The following PCDH15 variants were observed in gnomAD, a reference collection of about 807,000 sequenced individuals.
PCDH15 encodes protocadherin related 15, also known as protocadherin-15.
PCDH15 carries 129 observed loss-of-function variants against 178.5 expected under a neutral mutation model. That is an observed-to-expected ratio of 0.72 (90% CI 0.63 to 0.84). The LOEUF is 0.84. Among genes scored for constraint, PCDH15 ranks in the 40% least tolerant of loss-of-function variants. The probability of loss-of-function intolerance (pLI) is 0.00; values close to 1 mark genes in which losing one functional copy is unlikely to be tolerated. For synonymous variants in PCDH15, 800 were observed against 732.0 expected, an observed-to-expected ratio of 1.09 and a Z score of -1.50; for missense variants, 2,230 against 2,099.9, an observed-to-expected ratio of 1.06 and a Z score of -1.21.
intron 1 of PCDH15, among the ~76,000 whole-genome samples, chr10:55,215,062 G>A (rs1386493700): frequency 6.6e-6 from 1 of 151,996 alleles, no homozygotes; most frequent in African/African-American, 2.4e-5. Context: ...TCTTATGTAG[G>A]ATTTAAGTAG....
intron 1 of PCDH15, among the ~76,000 whole-genome samples, chr10:54,702,141 T>C (rs551927151): frequency 1.1e-4 from 16 of 151,930 alleles, no homozygotes; most frequent in African/African-American, 3.1e-4. Flanking sequence ...TGTAAATCAA[T>C]ACTAAGAAGA....
At chr10:55,072,617 A>C (rs1441762336) in intron 2 of PCDH15, among the ~76,000 whole-genome samples, 2 of 152,100 alleles carry the variant, frequency 1.3e-5, no homozygotes, top group African/African-American at 4.8e-5. Flanking sequence ...TAGCTTACCA[A>C]CCAAAAAGAG....
At chr10:55,069,567 G>T (rs2132010709) in intron 2 of PCDH15, among the ~76,000 whole-genome samples, 1 of 143,120 alleles carries the variant, frequency 7.0e-6, no homozygotes, top group South Asian at 2.3e-4. Flanking sequence ...TGAGAATGAT[G>T]ATTTCCAGTT....
chr10:55,096,600 T>C (rs983880743), intron 2 of PCDH15, among the ~76,000 whole-genome samples: 1 of 152,136 alleles, frequency 6.6e-6, no homozygotes, highest in Non-Finnish European at 1.5e-5. Flanking sequence ...GTTTCTCTTA[T>C]AACTGCAAGC....
At chr10:54,856,741 G>T (rs1225526070) in intron 3 of PCDH15, among the ~76,000 whole-genome samples, 1 of 152,028 alleles carries the variant, frequency 6.6e-6, no homozygotes, top group Non-Finnish European at 1.5e-5. Flanking sequence ...CATTGAATGT[G>T]CGTCTGATGA....
At chr10:55,394,572 T>G (rs907140527) in intron 2 of PCDH15, among the ~76,000 whole-genome samples, 1 of 152,000 alleles carries the variant, frequency 6.6e-6, no homozygotes, top group Non-Finnish European at 1.5e-5. Flanking sequence ...CCTACCTTCC[T>G]ATTTTACATG....
At chr10:54,953,960 G>T (rs1838411615) in intron 2 of PCDH15, among the ~76,000 whole-genome samples, 1 of 150,536 alleles carries the variant, frequency 6.6e-6, no homozygotes, top group Non-Finnish European at 1.5e-5. Flanking sequence ...ATTTTTTTCT[G>T]GTACTTTAAG....
At chr10:55,516,164 C>T (rs1841007590) in intron 2 of PCDH15, among the ~76,000 whole-genome samples, 1 of 151,934 alleles carries the variant, frequency 6.6e-6, no homozygotes, top group South Asian at 2.1e-4. Flanking sequence ...ATGGGAGGGA[C>T]CCGGTGGGAG....
chr10:55,177,210 G>C (rs1395501017), intron 1 of PCDH15, among the ~76,000 whole-genome samples: 2 of 152,074 alleles, frequency 1.3e-5, no homozygotes, highest in African/African-American at 4.8e-5. Context: ...GGGATTCATG[G>C]GCATTAGAGT....
intron 20 of PCDH15, among the ~76,000 whole-genome samples, chr10:54,007,927 A>G (rs2092439505): frequency 6.6e-6 from 1 of 152,194 alleles, no homozygotes; most frequent in Admixed American, 6.5e-5. Flanking sequence ...TAGACCAAGT[A>G]TAGACAATTT....
intron 1 of PCDH15, among the ~76,000 whole-genome samples, chr10:55,236,966 C>T (rs990320986): frequency 6.6e-6 from 1 of 151,246 alleles, no homozygotes; most frequent in East Asian, 1.9e-4. Context: ...GTCACGTGTA[C>T]GCATCACTGG....
chr10:54,192,031 C>A (rs7919565), intron 11 of PCDH15, among the ~76,000 whole-genome samples: 19 of 143,852 alleles, frequency 1.3e-4, no homozygotes, highest in Admixed American at 1.4e-4. Context: ...AAATAATGAA[C>A]GGAGAGAAGG....
At chr10:54,056,910 C>A (rs1171184646) in intron 18 of PCDH15, among the ~76,000 whole-genome samples, 1 of 152,118 alleles carries the variant, frequency 6.6e-6, no homozygotes, top group Non-Finnish European at 1.5e-5. Flanking sequence ...GAGAAATTGG[C>A]CAAAACAAAA....
intron 2 of PCDH15, among the ~76,000 whole-genome samples, chr10:55,138,380 T>C (rs1386602606): frequency 1.3e-5 from 2 of 152,198 alleles, no homozygotes; most frequent in African/African-American, 2.4e-5. Flanking sequence ...TTGTCAAGTA[T>C]AACAGGGGCC....
At chr10:55,233,764 A>G (rs1841295871) in intron 1 of PCDH15, among the ~76,000 whole-genome samples, 1 of 152,142 alleles carries the variant, frequency 6.6e-6, no homozygotes, top group Admixed American at 6.5e-5. Context: ...AAGCATTGGA[A>G]TGAATAAGAT....
At chr10:53,952,401 G>C (rs760606424) in intron 23 of PCDH15, among the ~76,000 whole-genome samples, 2 of 152,160 alleles carry the variant, frequency 1.3e-5, no homozygotes, top group South Asian at 2.1e-4. Context: ...CCTCAGTGGC[G>C]AGGAGACCCA....
At chr10:54,044,590 G>A (rs2093621022) in intron 18 of PCDH15, among the ~76,000 whole-genome samples, 1 of 152,046 alleles carries the variant, frequency 6.6e-6, no homozygotes, top group African/African-American at 2.4e-5. Context: ...GAATCCAGGT[G>A]GAAATACTCC....
chr10:54,788,153 G>GA (rs1220496149), intron 1 of PCDH15, among the ~76,000 whole-genome samples: 1 of 151,734 alleles, frequency 6.6e-6, no homozygotes, highest in Admixed American at 6.6e-5. Context: ...GAATTAACAG[G>GA]AAAAAATATA....
chr10:54,927,423 G>A (rs1837660601), intron 2 of PCDH15, among the ~76,000 whole-genome samples: 1 of 152,076 alleles, frequency 6.6e-6, no homozygotes, highest in Non-Finnish European at 1.5e-5. Context: ...GCTTTTGGGT[G>A]TGAAGTAATG....
Sources: allele counts gnomAD v4.1 joint callset (sites outside exome capture counted in the v4.1 genomes callset), GRCh38; gene constraint gnomAD v4.1.1; transcripts MANE v1.5; gene names NCBI Gene and HGNC (gene_info 2026-07-23, HGNC 2026-07-21).